Variants in CPVL observed in about 807,000 individuals in gnomAD.
CPVL encodes probable serine carboxypeptidase CPVL.
Under a neutral mutation model 63.7 loss-of-function variants are expected in CPVL, and 51 were observed. The ratio of observed to expected loss-of-function variants is 0.80; its 90% CI spans 0.64 to 1.01. The LOEUF is 1.01. Ranked by LOEUF, CPVL falls within the 50% of genes least tolerant of loss-of-function variation. The pLI, the probability that CPVL is intolerant of heterozygous loss-of-function variation, is 0.00. For missense variants in CPVL, 530 were observed against 573.1 expected, an observed-to-expected ratio of 0.92 and a Z score of 0.77; for synonymous variants, 195 against 206.0, an observed-to-expected ratio of 0.95 and a Z score of 0.46.
At chr7:29,061,917 T>C (rs1782638968) in intron 11 of CPVL, among the ~76,000 whole-genome samples, 1 of 144,566 alleles carries the variant, frequency 6.9e-6, no homozygotes, top group African/African-American at 2.7e-5. Context: ...GCACTACAGC[T>C]GGGCAACAAG....
chr7:29,071,973 C>T (rs1243733279), intron 8 of CPVL, 69 bp from the exon 9 acceptor site: 1 of 1,577,268 alleles, frequency 6.3e-7, no homozygotes, highest in South Asian at 1.1e-5. Flanking sequence ...AGCCCATTTG[C>T]TTGGTGAAAT....
intron 7 of CPVL, 116 bp from the exon 8 acceptor site, chr7:29,072,539 T>A (rs1453255562): frequency 8.5e-7 from 1 of 1,174,672 alleles, no homozygotes; most frequent in Non-Finnish European, 1.2e-6. Flanking sequence ...AGGTATACCA[T>A]CTGTTTCTTA....
At chr7:29,016,402 C>T (rs181783119) in intron 12 of CPVL, among the ~76,000 whole-genome samples, 36 of 152,016 alleles carry the variant, frequency 2.4e-4, no homozygotes, top group Middle Eastern at 3.4e-3. Flanking sequence ...AGCTAGCAAG[C>T]GGCAAAATGA....
intron 1 of CPVL, among the ~76,000 whole-genome samples, chr7:29,137,553 A>C (rs1239550112): frequency 2.0e-5 from 3 of 152,240 alleles, no homozygotes; most frequent in Non-Finnish European, 4.4e-5. Context: ...TAGCCCAGGT[A>C]GCCTTTTCCT....
intron 1 of CPVL, among the ~76,000 whole-genome samples, chr7:29,129,546 G>A (rs1419908809): frequency 1.3e-5 from 2 of 150,550 alleles, no homozygotes; most frequent in African/African-American, 4.9e-5. Flanking sequence ...CGCAGCTCAT[G>A]CAACCTCTGC....
At position 29,154,794 on chromosome 7, in the gene CPVL, C is replaced by T. The variant is rs556331132; in HGVS notation, c.-11+26496G>A. 2.6e-5 allele frequency among the ~76,000 whole-genome samples: 4 copies of T among 152,304 alleles called. No individual in the cohort carries two copies. The South Asian group carries it at 8.3e-4, about 32-fold the overall frequency. On this transcript the variant is annotated intron_variant, in intron 5 of 16. Transcript: ENST00000409850. The stretch of plus-strand genomic sequence containing the variant: ...AGGTTGCAGTGAACCAAGATTACGC[C>T]ACTGCACTCCAGCCTGGGCGACAGA...
chr7:29,083,804 A>G (rs1784960206), intron 7 of CPVL, among the ~76,000 whole-genome samples: 1 of 152,124 alleles, frequency 6.6e-6, no homozygotes, highest in Non-Finnish European at 1.5e-5. Context: ...ACCCTTATTT[A>G]TCCTTCAAAA....
intron 5 of CPVL, among the ~76,000 whole-genome samples, chr7:29,157,476 A>G (rs1314082226): frequency 6.6e-6 from 1 of 152,244 alleles, no homozygotes; most frequent in East Asian, 1.9e-4. Context: ...AGCTTCGCAC[A>G]GTGGCTTATT....
intron 12 of CPVL, among the ~76,000 whole-genome samples, chr7:29,030,317 TTGGAC>T (rs1787903139): frequency 6.6e-6 from 1 of 152,212 alleles, no homozygotes. Flanking sequence ...ATTTGCCTCT[TTGGAC>T]TGAGCACTGT....
At chr7:29,050,920 C>A (rs915565795) in intron 11 of CPVL, among the ~76,000 whole-genome samples, 25 of 152,026 alleles carry the variant, frequency 1.6e-4, no homozygotes, top group African/African-American at 6.0e-4. Context: ...ACTGATGGAA[C>A]AGAATAGAGA....
intron 12 of CPVL, among the ~76,000 whole-genome samples, chr7:29,004,846 A>G (rs1478558629): frequency 6.6e-6 from 1 of 151,996 alleles, no homozygotes; most frequent in African/African-American, 2.4e-5. Context: ...GACAATACTT[A>G]TAAAATGATG....
At chr7:29,177,079 GAT>G (rs1418075552) in intron 5 of CPVL, among the ~76,000 whole-genome samples, 1 of 152,104 alleles carries the variant, frequency 6.6e-6, no homozygotes, top group East Asian at 1.9e-4. Context: ...ATCTCCTTAA[GAT>G]AAAATATTTT....
chr7:29,075,744 CTT>C (rs11298240), intron 7 of CPVL, among the ~76,000 whole-genome samples: 307 of 147,516 alleles, frequency 2.1e-3, no homozygotes, highest in African/African-American at 2.4e-3. Flanking sequence ...ATGATCTTAG[CTT>C]TTTTTTTTTT....
At chr7:29,193,698 G>A (rs1490537353) in intron 1 of CPVL, 1 of 152,190 alleles carries the variant, frequency 6.6e-6, no homozygotes, top group African/African-American at 2.4e-5. Flanking sequence ...CCTTGTGCTC[G>A]AGTCTCTTTC....
chr7:29,167,356 T>G (rs1292212803), intron 5 of CPVL, among the ~76,000 whole-genome samples: 1 of 152,180 alleles, frequency 6.6e-6, no homozygotes, highest in Non-Finnish European at 1.5e-5. Flanking sequence ...CTATCCTAAA[T>G]GGTATTTCAT....
chr7:29,155,316 A>G (rs1470903729), intron 5 of CPVL, among the ~76,000 whole-genome samples: 1 of 152,206 alleles, frequency 6.6e-6, no homozygotes, highest in Non-Finnish European at 1.5e-5. Context: ...AAAATAAATA[A>G]ATAGAACTCT....
intron 5 of CPVL, among the ~76,000 whole-genome samples, chr7:29,152,606 C>G (rs1253829088): frequency 6.6e-6 from 1 of 152,134 alleles, no homozygotes; most frequent in Non-Finnish European, 1.5e-5. Context: ...TTAGTTTGTT[C>G]CCATCCACCC....
chr7:29,065,917 T>A, intron 10 of CPVL, 106 bp downstream of exon 10: 1 of 633,836 alleles, frequency 1.6e-6, no homozygotes, highest in South Asian at 2.1e-5. Context: ...AGTTTGGACA[T>A]GTTGGTCTAG....
chr7:29,166,435 T>G (rs1374669837), intron 5 of CPVL, among the ~76,000 whole-genome samples: 1 of 152,132 alleles, frequency 6.6e-6, no homozygotes, highest in Non-Finnish European at 1.5e-5. Context: ...GAAGCCATCT[T>G]GGCTTGATGT....
Sources: gnomAD v4.1 joint callset for allele counts (sites outside exome capture counted in the v4.1 genomes callset) on GRCh38, gnomAD v4.1.1 for gene constraint, MANE v1.5 for transcripts, NCBI Gene and HGNC (gene_info 2026-07-23, HGNC 2026-07-21) for gene names.